Variants in TOX observed in about 807,000 individuals in gnomAD.
TOX encodes the protein thymocyte selection-associated high mobility group box protein TOX.
Under a neutral mutation model 53.7 loss-of-function variants are expected in TOX, and 11 were observed. That is an observed-to-expected ratio of 0.20 (90% CI 0.13 to 0.34). TOX has a LOEUF of 0.34. Ranked by LOEUF, TOX falls within the 10% of genes least tolerant of loss-of-function variation. TOX has a pLI of 1.00. For missense variants in TOX, 570 were observed against 664.6 expected (o/e 0.86, Z 1.56); for synonymous variants, 225 against 245.3 (o/e 0.92, Z 0.77).
chr8:58,913,600 T>C (rs6985410), intron 3 of TOX, among the ~76,000 whole-genome samples: 144,320 of 152,290 alleles, frequency 0.95, 68,460 homozygotes, highest in East Asian at 1. Context: ...TTCTAACAAT[T>C]GCTTTAGTTT....
At chr8:58,888,889 C>T (rs16924197) in intron 3 of TOX, among the ~76,000 whole-genome samples, 6,633 of 151,942 alleles carry the variant, frequency 0.044, 217 homozygotes, top group African/African-American at 0.094. Context: ...TACCTCCTCC[C>T]TAACAGCTGG....
intron 1 of TOX, among the ~76,000 whole-genome samples, chr8:59,053,242 T>C (rs528557881): frequency 1.3e-5 from 2 of 152,314 alleles, no homozygotes; most frequent in South Asian, 2.1e-4. Flanking sequence ...ACTCCCCAAA[T>C]TGCAGAAATC....
chr8:58,951,063 T>C (rs1249403423), intron 2 of TOX, among the ~76,000 whole-genome samples: 2 of 152,228 alleles, frequency 1.3e-5, no homozygotes, highest in South Asian at 2.1e-4. Context: ...ATTGCCGTTA[T>C]CTCAATACTC....
intron 1 of TOX, among the ~76,000 whole-genome samples, chr8:59,101,936 G>GAA (rs1265924156): frequency 1.3e-5 from 2 of 152,172 alleles, no homozygotes; most frequent in African/African-American, 4.8e-5. Flanking sequence ...CAATAATGGG[G>GAA]AAGATGGGAG....
chr8:58,930,915 A>G (rs370623058), intron 3 of TOX, among the ~76,000 whole-genome samples: 4 of 152,218 alleles, frequency 2.6e-5, no homozygotes, highest in African/African-American at 9.6e-5. Context: ...ACTTATGGAC[A>G]TACTTAGAAT....
rs1585857337 is a variant in TOX at position 58,846,248 on chromosome 8, T to C, written c.693+5276A>G. ...ACTTTTTTTTTAAAATAAATAAGGGTCATACATTAGTTTAATTGCTGTGAT... is the reference window on the plus strand; with the variant it reads ...ACTTTTTTTTTAAAATAAATAAGGGCCATACATTAGTTTAATTGCTGTGAT... On this transcript the variant is annotated intron_variant, in intron 4 of 8. Transcript: ENST00000361421. 3.9e-5 allele frequency among the ~76,000 whole-genome samples: 6 copies of C among 152,090 alleles called. No individual in the cohort carries two copies. The South Asian group carries it at 1.2e-3, about 32-fold the overall frequency.
chr8:58,888,513 A>G (rs1360201272), intron 3 of TOX, among the ~76,000 whole-genome samples: 1 of 152,090 alleles, frequency 6.6e-6, no homozygotes, highest in African/African-American at 2.4e-5. Context: ...AGAAATACCT[A>G]TAGAATACTA....
intron 2 of TOX, among the ~76,000 whole-genome samples, chr8:58,956,283 T>A (rs1190944608): frequency 1.3e-5 from 2 of 152,178 alleles, no homozygotes; most frequent in East Asian, 3.9e-4. Flanking sequence ...GCTGAAGTTT[T>A]ATCGGGAGAT....
At chr8:58,919,128 G>A (rs1812029669) in intron 3 of TOX, among the ~76,000 whole-genome samples, 1 of 151,734 alleles carries the variant, frequency 6.6e-6, no homozygotes, top group South Asian at 2.1e-4. Flanking sequence ...TGGCCATGCT[G>A]CCCAAGGTAA....
At chr8:59,075,434 A>G (rs1017988939) in intron 1 of TOX, among the ~76,000 whole-genome samples, 1 of 152,156 alleles carries the variant, frequency 6.6e-6, no homozygotes, top group Non-Finnish European at 1.5e-5. Context: ...GGACGCCAAG[A>G]GATCGAGTGA....
chr8:58,855,480 C>T (rs1810899504), intron 3 of TOX, among the ~76,000 whole-genome samples: 1 of 152,030 alleles, frequency 6.6e-6, no homozygotes, highest in Non-Finnish European at 1.5e-5. Flanking sequence ...CTTTCCTTTT[C>T]TACCAAACTC....
intron 1 of TOX, among the ~76,000 whole-genome samples, chr8:59,104,579 A>G (rs1209363665): frequency 6.6e-6 from 1 of 152,186 alleles, no homozygotes; most frequent in Admixed American, 6.5e-5. Flanking sequence ...CAAGAGGCCA[A>G]TTTAAATGTT....
At chr8:58,938,083 C>G (rs760336814) in intron 3 of TOX, among the ~76,000 whole-genome samples, 24 of 152,136 alleles carry the variant, frequency 1.6e-4, no homozygotes, top group Non-Finnish European at 3.2e-4. Context: ...CTCTTGGCTG[C>G]CCAGATGGCT....
intron 4 of TOX, among the ~76,000 whole-genome samples, chr8:58,839,656 G>T (rs1353015030): frequency 4.6e-5 from 7 of 152,200 alleles, no homozygotes; most frequent in East Asian, 1.9e-4. Flanking sequence ...GCATCTGAAG[G>T]ATTCAATTTC....
intron 3 of TOX, among the ~76,000 whole-genome samples, chr8:58,915,690 A>G (rs1273948439): frequency 6.6e-6 from 1 of 151,524 alleles, no homozygotes; most frequent in Non-Finnish European, 1.5e-5. Context: ...CAATGGAACA[A>G]AGCTGGATGG....
intron 1 of TOX, among the ~76,000 whole-genome samples, chr8:59,058,475 C>T (rs1803920027): frequency 6.6e-6 from 1 of 152,138 alleles, no homozygotes; most frequent in Non-Finnish European, 1.5e-5. Flanking sequence ...ACATGCTTGC[C>T]CACTGGAAGG....
intron 2 of TOX, among the ~76,000 whole-genome samples, chr8:58,941,272 A>G (rs1172249714): frequency 1.3e-5 from 2 of 152,176 alleles, no homozygotes; most frequent in South Asian, 2.1e-4. Context: ...GGTGGGAGAG[A>G]TGTCTATTTC....
intron 1 of TOX, among the ~76,000 whole-genome samples, chr8:59,116,136 T>A (rs536190098): frequency 6.6e-6 from 1 of 152,282 alleles, no homozygotes; most frequent in South Asian, 2.1e-4. Flanking sequence ...CACAGATAGA[T>A]ACTGGTTCCG....
chr8:58,826,975 T>C, intron 5 of TOX, 73 bp from the exon 6 acceptor site: 1 of 1,142,730 alleles, frequency 8.8e-7, no homozygotes, highest in Admixed American at 2.3e-5. Flanking sequence ...CAATATAGAA[T>C]GATAACTGCA....
Sources: allele counts gnomAD v4.1 joint callset (sites outside exome capture counted in the v4.1 genomes callset), GRCh38; gene constraint gnomAD v4.1.1; transcripts MANE v1.5; gene names NCBI Gene and HGNC (gene_info 2026-07-23, HGNC 2026-07-21).